Variants in C1orf174 observed in about 807,000 individuals in gnomAD.
The protein encoded by C1orf174 is UPF0688 protein C1orf174.
A neutral mutation model predicts 18.4 loss-of-function variants in C1orf174; 13 were observed. The ratio of observed to expected loss-of-function variants is 0.71; its 90% CI spans 0.46 to 1.12. The LOEUF (loss-of-function observed/expected upper bound fraction) is 1.12, where lower values mean the gene tolerates loss of function less well. Ranked by LOEUF, C1orf174 falls within the 50% of genes most tolerant of loss-of-function variation. The pLI is 0.00. For synonymous variants in C1orf174, 100 were observed against 118.3 expected, an observed-to-expected ratio of 0.85 and a Z score of 1.01; for missense variants, 309 against 308.0, an observed-to-expected ratio of 1.00 and a Z score of -0.02.
intron 1 of C1orf174, among the ~76,000 whole-genome samples, chr1:3,899,653 C>T (rs1356506341): frequency 1.3e-5 from 2 of 152,248 alleles, no homozygotes; most frequent in African/African-American, 2.4e-5. Flanking sequence ...TCTGCAGCAT[C>T]TAGCACTACC....
chr1:3,899,904 C>A (rs991189170), intron 1 of C1orf174, among the ~76,000 whole-genome samples: 4 of 151,800 alleles, frequency 2.6e-5, no homozygotes, highest in African/African-American at 9.7e-5. Flanking sequence ...AACCTGGGAG[C>A]CCCCTTCTCC....
chr1:3,890,495 G>A, intron 3 of C1orf174, 74 bp downstream of exon 3: 2 of 1,568,086 alleles, frequency 1.3e-6, no homozygotes, highest in Non-Finnish European at 1.7e-6. Flanking sequence ...TACCTGCACT[G>A]AGTGGGGAGT....
chr1:3,895,052 A>G (rs1433992286), intron 1 of C1orf174, among the ~76,000 whole-genome samples: 1 of 152,220 alleles, frequency 6.6e-6, no homozygotes, highest in Admixed American at 6.5e-5. Context: ...CGTGCCTCGT[A>G]GGGAAAAGAC....
chr1:3,891,273 T>C (rs371540251), intron 2 of C1orf174: 1 of 595,986 alleles, frequency 1.7e-6, no homozygotes, highest in Non-Finnish European at 2.8e-6. Context: ...CTTTCAGTTT[T>C]CCCTAGTGGC....
At chr1:3,900,150 G>A in intron 1 of C1orf174, 22 bp downstream of exon 1, 1 of 1,575,544 alleles carries the variant, frequency 6.3e-7, no homozygotes, top group Non-Finnish European at 8.5e-7. Context: ...CGGCGCAGCT[G>A]CTGCCGGGAC....
chr1:3,900,130 C>A, intron 1 of C1orf174, 42 bp downstream of exon 1: 1 of 1,566,886 alleles, frequency 6.4e-7, no homozygotes, highest in Non-Finnish European at 8.6e-7. Context: ...CCCAGAGTCC[C>A]CGCCCTGCCC....
At chr1:3,899,622 G>A (rs137875859) in intron 1 of C1orf174, among the ~76,000 whole-genome samples, 104 of 152,354 alleles carry the variant, frequency 6.8e-4, no homozygotes, top group African/African-American at 2.1e-3. Flanking sequence ...AGTGGCAGCA[G>A]TTGAGGGGCA....
At chr1:3,894,551 G>A (rs1011685544) in intron 1 of C1orf174, among the ~76,000 whole-genome samples, 2 of 148,330 alleles carry the variant, frequency 1.3e-5, no homozygotes, top group African/African-American at 5.0e-5. Flanking sequence ...AGCTTGCAGT[G>A]AGCCGAGATT....
rs1373473760 is a variant in C1orf174 at position 3,900,158 on chromosome 1, G to A, written c.15+14C>T. The A allele has an allele frequency of 5.7e-6, 9 of 1,580,100 alleles. No individual in the cohort carries two copies. Among genetic ancestry groups the A allele is most frequent in the Non-Finnish European group, 7.7e-6 (9 of 1,172,442 alleles). On this transcript the variant is annotated intron_variant, in intron 1 of 3. Transcript: ENST00000361605. The stretch of plus-strand genomic sequence containing the variant: ...CCCTGCCCGGCGCAGCTGCTGCCGG[G>A]ACCCAGCCCTCACCTTCCGGCTCCT...
intron 1 of C1orf174, among the ~76,000 whole-genome samples, chr1:3,895,026 C>T (rs184973652): frequency 1.1e-3 from 167 of 152,358 alleles, no homozygotes; most frequent in Non-Finnish European, 2.2e-3. Flanking sequence ...AAGCCCATCT[C>T]CCTAAAACGC....
In C1orf174 at chr1:3,900,223, G is replaced by C. The variant is rs112584858; in HGVS notation, c.-37C>G. On this transcript the variant is annotated 5_prime_UTR_variant, in exon 1 of 4. Transcript: ENST00000361605. The stretch of plus-strand genomic sequence containing the variant: ...CCGCAGCCAAGCACCGCGCGCCCCG[G>C]CCAACGCGTCCCGGCGGAGCGGCGA... 59 of 1,557,194 alleles carry C rather than the reference G, an allele frequency of 3.8e-5. No homozygotes were observed. The highest frequency in any genetic ancestry group is 1.9e-5 in the Admixed American group (1 of 53,104).
intron 1 of C1orf174, among the ~76,000 whole-genome samples, chr1:3,897,248 T>A (rs1383708211): frequency 1.3e-5 from 2 of 152,184 alleles, no homozygotes; most frequent in Non-Finnish European, 2.9e-5. Context: ...AGGACCAAGG[T>A]AGCCATGATA....
intron 2 of C1orf174, chr1:3,891,538 A>T (rs1181609504): frequency 2.1e-6 from 2 of 966,432 alleles, no homozygotes; most frequent in African/African-American, 3.5e-5. Context: ...CAAGCACCTC[A>T]TCATGAGCAA....
In C1orf174 at chr1:3,890,006, C is replaced by G. The variant is rs143358657; in HGVS notation, c.686G>C (p.Arg229Thr). 2.5e-6 allele frequency: 4 copies of G among 1,614,088 alleles called. No individual in the cohort carries two copies. In the African/African-American group the frequency reaches 5.3e-5, roughly 22 times the overall value. The change falls in exon 4 of 4, where the codon AGA becomes ACA. Residue 229 changes from arginine to threonine, a missense_variant. Arg to Thr is a moderately conservative substitution (Grantham distance 71). Coordinates refer to ENST00000361605, the MANE Select transcript of C1orf174 (RefSeq NM_207356.3). ...SRREFRKMHFRAKDDDDDDDD... is the reference protein window; with the variant it reads ...SRREFRKMHFTAKDDDDDDDD... ...GTCGTCATCATCATCATCTTTGGCT[C>G]TGAAATGCATTTTTCTGAACTCTCG...
rs1453005355 is a variant in C1orf174, at chr1:3,890,784, T to G, written c.403A>C (p.Thr135Pro). The change falls in exon 3 of 4, where the codon ACT becomes CCT. Residue 135 changes from threonine (T) to proline (P), a missense_variant. Thr to Pro is a conservative substitution (Grantham distance 38, BLOSUM62 -1). Transcript: ENST00000361605. ...TTTGGCACGGACAGGCCATCTCTAGTCTTTGCTAAGCGAGAGTCACTCACA... is the reference window on the plus strand; with the variant it reads ...TTTGGCACGGACAGGCCATCTCTAGGCTTTGCTAAGCGAGAGTCACTCACA... ...RVVSDSRLAK[T>P]RDGLSVPKHS... 12 of 1,613,668 alleles carry G rather than the reference T, an allele frequency of 7.4e-6. No homozygotes were observed. The highest frequency in any genetic ancestry group is 1.0e-5 in the Non-Finnish European group (12 of 1,179,976).
intron 1 of C1orf174, among the ~76,000 whole-genome samples, chr1:3,897,205 G>T (rs1382726833): frequency 6.6e-6 from 1 of 152,224 alleles, no homozygotes; most frequent in East Asian, 1.9e-4. Context: ...CTGTCTGTGA[G>T]AGTGACCAGA....
intron 2 of C1orf174, 187 bp downstream of exon 2, chr1:3,892,696 C>T: frequency 6.9e-7 from 1 of 1,441,292 alleles, no homozygotes; most frequent in South Asian, 1.5e-5. Flanking sequence ...CCAGCCCTGG[C>T]CTGCAGAGTG....
In C1orf174 at chr1:3,892,907, G is replaced by A. The variant is rs1481642318; in HGVS notation, c.105C>T (p.Ser35=). The A allele has an allele frequency of 6.8e-6, 11 of 1,614,090 alleles. No homozygotes were observed. Among genetic ancestry groups the A allele is most frequent in the African/African-American group, 1.3e-5 (1 of 74,930 alleles). Residue 35 remains serine (S), a synonymous_variant, in exon 2 of 4, where the codon TCC becomes TCT. Coordinates refer to ENST00000361605, the MANE Select transcript of C1orf174 (RefSeq NM_207356.3). ...RLASAQEVAG[S]TSAKTACLTS... is the part of the protein sequence containing the mutation. ...CCAGACATGCTGTCTTGGCAGACGT[G>A]GAACCAGCAACTTCCTGGGCAGAGG... is the stretch of plus-strand genomic sequence containing the variant.
In C1orf174 at chr1:3,899,798, G is replaced by T. The variant is rs560423077; in HGVS notation, c.15+374C>A. Among the ~76,000 whole-genome samples the T allele has an allele frequency of 3.3e-5, 5 of 152,200 alleles. No individual in the cohort carries two copies. The East Asian group carries it at 7.8e-4, about 24-fold the overall frequency. On this transcript the variant is annotated intron_variant, in intron 1 of 3. Coordinates refer to ENST00000361605, the MANE Select transcript of C1orf174 (RefSeq NM_207356.3). ...ACTGTGAGCTCCACTTCTCCCGAGGGCGTGGACCGGAGCCCCCCTTCTCCC... is the reference window on the plus strand; with the variant it reads ...ACTGTGAGCTCCACTTCTCCCGAGGTCGTGGACCGGAGCCCCCCTTCTCCC...
Sources: gnomAD v4.1 joint callset for allele counts (sites outside exome capture counted in the v4.1 genomes callset) on GRCh38, gnomAD v4.1.1 for gene constraint, MANE v1.5 for transcripts, NCBI Gene and HGNC (gene_info 2026-07-23, HGNC 2026-07-21) for gene names.